PPM1E: variants seen among roughly 807,000 people sequenced by gnomAD.
The protein encoded by PPM1E is protein phosphatase 1E.
Under a neutral mutation model 65.9 loss-of-function variants are expected in PPM1E, and 20 were observed. That is an observed-to-expected ratio of 0.30 (90% CI 0.21 to 0.44). The LOEUF (loss-of-function observed/expected upper bound fraction) is 0.44. Ranked by LOEUF, PPM1E falls within the 20% of genes least tolerant of loss-of-function variation. The probability of loss-of-function intolerance (pLI) is 1.00; values close to 1 mark genes in which losing one functional copy is unlikely to be tolerated. For synonymous variants in PPM1E, 352 were observed against 374.9 expected, an observed-to-expected ratio of 0.94 and a Z score of 0.70; for missense variants, 713 against 953.1, an observed-to-expected ratio of 0.75 and a Z score of 3.32.
chr17:58,959,107 G>A (rs888272048), intron 2 of PPM1E, among the ~76,000 whole-genome samples: 5 of 151,896 alleles, frequency 3.3e-5, no homozygotes, highest in Non-Finnish European at 5.9e-5. Flanking sequence ...TTGGGAGTTC[G>A]AGACCAGCCT....
At chr17:58,909,150 C>A (rs1598643717) in intron 1 of PPM1E, among the ~76,000 whole-genome samples, 1 of 151,820 alleles carries the variant, frequency 6.6e-6, no homozygotes, top group East Asian at 1.9e-4. Flanking sequence ...CAAAGAATTT[C>A]TTTTAATATT....
intron 6 of PPM1E, among the ~76,000 whole-genome samples, chr17:58,979,003 C>G (rs2031199475): frequency 6.6e-6 from 1 of 152,154 alleles, no homozygotes; most frequent in African/African-American, 2.4e-5. Flanking sequence ...TCTGCCTTTG[C>G]TTATCCTGTT....
intron 1 of PPM1E, among the ~76,000 whole-genome samples, chr17:58,796,380 G>T (rs1320193346): frequency 6.6e-6 from 1 of 151,916 alleles, no homozygotes. Context: ...TATTTATTTA[G>T]AGACAGGGGC....
chr17:58,830,917 T>C (rs904361144), intron 1 of PPM1E, among the ~76,000 whole-genome samples: 1 of 151,706 alleles, frequency 6.6e-6, no homozygotes, highest in Non-Finnish European at 1.5e-5. Flanking sequence ...ACTCTTATCC[T>C]CAAGTGATCC....
At chr17:58,823,754 A>G (rs2050503913) in intron 1 of PPM1E, among the ~76,000 whole-genome samples, 1 of 152,108 alleles carries the variant, frequency 6.6e-6, no homozygotes. Context: ...TTTTTGAGAC[A>G]GAGTCTTGCT....
chr17:58,814,956 T>C (rs2050401696), intron 1 of PPM1E, among the ~76,000 whole-genome samples: 1 of 152,222 alleles, frequency 6.6e-6, no homozygotes, highest in South Asian at 2.1e-4. Context: ...AAGGAATAAA[T>C]TACTTATAGC....
At chr17:58,845,971 G>A (rs764864467) in intron 1 of PPM1E, among the ~76,000 whole-genome samples, 3 of 152,138 alleles carry the variant, frequency 2.0e-5, no homozygotes, top group African/African-American at 4.8e-5. Context: ...ATGAGCCACC[G>A]TGCCCAGCCA....
intron 1 of PPM1E, among the ~76,000 whole-genome samples, chr17:58,828,356 A>G (rs1032456804): frequency 1.3e-5 from 2 of 152,114 alleles, no homozygotes; most frequent in African/African-American, 4.8e-5. Context: ...CTTGGAAACA[A>G]CTATTTTAAT....
chr17:58,759,281 C>G (rs1370931273), intron 1 of PPM1E, among the ~76,000 whole-genome samples: 1 of 152,106 alleles, frequency 6.6e-6, no homozygotes, highest in African/African-American at 2.4e-5. Flanking sequence ...CTACGTTTTA[C>G]TCCTTTCTCT....
At chr17:58,788,135 C>G (rs1223735907) in intron 1 of PPM1E, among the ~76,000 whole-genome samples, 1 of 152,032 alleles carries the variant, frequency 6.6e-6, no homozygotes, top group African/African-American at 2.4e-5. Flanking sequence ...ACTGCAACCT[C>G]TGTCTCCTAG....
intron 1 of PPM1E, among the ~76,000 whole-genome samples, chr17:58,873,846 C>T (rs1393618780): frequency 1.3e-5 from 2 of 151,102 alleles, no homozygotes. Context: ...ATCTGCCCAC[C>T]TTAGCCCCCC....
intron 1 of PPM1E, 56 bp downstream of exon 1, chr17:58,756,517 C>T: frequency 7.9e-7 from 1 of 1,259,604 alleles, no homozygotes; most frequent in Non-Finnish European, 1.0e-6. Flanking sequence ...GCGCCGGCCT[C>T]GGACGCGGCT....
chr17:58,843,339 A>AG (rs1826423180), intron 1 of PPM1E, among the ~76,000 whole-genome samples: 1 of 150,952 alleles, frequency 6.6e-6, no homozygotes, highest in Non-Finnish European at 1.5e-5. Flanking sequence ...AAAAAAAAAA[A>AG]ATGAATTAAA....
Position 58,891,832 on chromosome 17 carries a change from C to CTTTTT in PPM1E, c.465-63800_465-63796dup, listed in dbSNP as rs5821250. Among the ~76,000 whole-genome samples the CTTTTT allele has an allele frequency of 9.9e-4, 85 of 85,458 alleles. 1 individual carries two copies. The highest frequency in any genetic ancestry group is 1.4e-3 in the African/African-American group (29 of 20,954). The allele number at this position is 85,458 out of a possible 152,430, so 56.1% of individuals were successfully genotyped here. ...TTATGTTTTACATTTTTTTCTTTTT[C>CTTTTT]TTTTTTTTTTTTTTTTTTTTTGAGA... On this transcript the variant is annotated intron_variant, in intron 1 of 6. Coordinates refer to ENST00000308249, the MANE Select transcript of PPM1E (RefSeq NM_014906.5).
chr17:58,914,149 T>A (rs909555490), intron 1 of PPM1E, among the ~76,000 whole-genome samples: 3 of 152,208 alleles, frequency 2.0e-5, no homozygotes, highest in African/African-American at 7.2e-5. Flanking sequence ...CTGTTATAAT[T>A]TATGCAAAGG....
chr17:58,828,249 A>G (rs934717248), intron 1 of PPM1E, among the ~76,000 whole-genome samples: 1 of 151,768 alleles, frequency 6.6e-6, no homozygotes. Context: ...TTTTTATTCA[A>G]TGTAATATGT....
intron 1 of PPM1E, among the ~76,000 whole-genome samples, chr17:58,817,300 G>A (rs1033994959): frequency 6.6e-5 from 10 of 152,230 alleles, no homozygotes; most frequent in South Asian, 4.1e-4. Flanking sequence ...TGGAATTGCC[G>A]GATCATATGG....
At position 58,983,098 on chromosome 17, in the gene PPM1E, T is replaced by TG. The variant is rs1427918816; in HGVS notation, c.*2071dup. The TG allele has an allele frequency of 8.7e-6, 5 of 575,260 alleles. No individual in the cohort carries two copies. The highest frequency in any genetic ancestry group is 7.6e-5 in the African/African-American group (4 of 52,682). 35.6% of individuals were successfully genotyped at this position (575,260 alleles called of 1,614,324 possible). A position where few individuals can be genotyped will look rare whatever the true frequency, so the allele number is the denominator to read the frequency against. On this transcript the variant is annotated 3_prime_UTR_variant, in exon 7 of 7. Transcript: ENST00000308249. ...TACTACACATGCTAGGCTTTCTCAG[T>TG]GGGGAAAAAAATGGCTGGATAGAAC...
At chr17:58,856,340 A>T (rs2050882128) in intron 1 of PPM1E, among the ~76,000 whole-genome samples, 1 of 152,136 alleles carries the variant, frequency 6.6e-6, no homozygotes, top group Non-Finnish European at 1.5e-5. Context: ...CCCGGATTCA[A>T]GCGATCTCCT....
Sources: gnomAD v4.1 joint callset for allele counts (sites outside exome capture counted in the v4.1 genomes callset) on GRCh38, gnomAD v4.1.1 for gene constraint, MANE v1.5 for transcripts, NCBI Gene and HGNC (gene_info 2026-07-23, HGNC 2026-07-21) for gene names.